The following LINGO2 variants were observed in gnomAD, a reference collection of about 807,000 sequenced individuals.
LINGO2 encodes the protein leucine-rich repeat and immunoglobulin-like domain-containing nogo receptor-interacting protein 2.
LINGO2 carries 14 observed loss-of-function variants against 30.6 expected under a neutral mutation model. The observed-to-expected ratio is 0.46, with a 90% CI of 0.30 to 0.72. The LOEUF (loss-of-function observed/expected upper bound fraction) is 0.72, where lower values mean the gene tolerates loss of function less well. Among genes scored for constraint, LINGO2 ranks in the 30% least tolerant of loss-of-function variants. The pLI is 0.07. For synonymous variants in LINGO2, 317 were observed against 288.5 expected (o/e 1.10, Z -1.00); for missense variants, 729 against 751.7 (o/e 0.97, Z 0.35).
chr9:28,766,151 C>G, the LINGO2 span, among the ~76,000 whole-genome samples: 2 of 151,986 alleles, frequency 1.3e-5, no homozygotes, highest in Non-Finnish European at 2.9e-5. Context: ...AAGAAAATCA[C>G]AAGGCTGCCT....
chr9:28,559,609 C>A (rs578112793), intron 1 of LINGO2, among the ~76,000 whole-genome samples: 2 of 152,136 alleles, frequency 1.3e-5, no homozygotes, highest in East Asian at 3.9e-4. Context: ...TGTGTAATAG[C>A]TTTTATTATT....
intron 4 of LINGO2, among the ~76,000 whole-genome samples, chr9:28,125,019 C>T (rs1167413329): frequency 6.6e-6 from 1 of 152,158 alleles, no homozygotes; most frequent in Non-Finnish European, 1.5e-5. Flanking sequence ...CCAGCAGTAT[C>T]CTAAATGCCA....
rs138287095 is a variant in LINGO2, at chr9:28,488,084, G to C, written c.-364-12059C>G. On this transcript the variant is annotated intron_variant, in intron 1 of 5. Transcript: ENST00000379992. ...TTCTTTCTTACCAAACCAAATGACAGTCATTTCTCTAGGATAAAAACATTT... is the reference window on the plus strand; with the variant it reads ...TTCTTTCTTACCAAACCAAATGACACTCATTTCTCTAGGATAAAAACATTT... Among the ~76,000 whole-genome samples the C allele has an allele frequency of 1.5e-3, 235 of 152,228 alleles. 1 individual carries two copies. Among genetic ancestry groups the C allele is most frequent in the African/African-American group, 5.4e-3 (223 of 41,566 alleles).
chr9:28,376,976 A>G (rs1030660350), intron 2 of LINGO2, among the ~76,000 whole-genome samples: 2 of 150,256 alleles, frequency 1.3e-5, no homozygotes, highest in Admixed American at 1.3e-4. Flanking sequence ...CACAATAGCT[A>G]CAATTATACT....
At chr9:28,516,179 A>G (rs1394903688) in intron 1 of LINGO2, among the ~76,000 whole-genome samples, 1 of 152,202 alleles carries the variant, frequency 6.6e-6, no homozygotes, top group Admixed American at 6.5e-5. Flanking sequence ...TGGGAAACCA[A>G]TAATTTCATG....
At chr9:28,876,485 G>T in the LINGO2 span, among the ~76,000 whole-genome samples, 1 of 151,490 alleles carries the variant, frequency 6.6e-6, no homozygotes, top group South Asian at 2.1e-4. Flanking sequence ...CCACCTATGA[G>T]TGAGAACACG....
At chr9:28,691,309 A>C in the LINGO2 span, among the ~76,000 whole-genome samples, 383 of 152,300 alleles carry the variant, frequency 2.5e-3, 3 homozygotes, top group African/African-American at 8.8e-3. Flanking sequence ...TACTGTACCA[A>C]TTTCACAAAC....
intron 4 of LINGO2, among the ~76,000 whole-genome samples, chr9:28,043,843 A>C (rs1358727018): frequency 6.6e-6 from 1 of 152,220 alleles, no homozygotes; most frequent in Non-Finnish European, 1.5e-5. Flanking sequence ...CTACAAAACA[A>C]ACAATAATTC....
intron 1 of LINGO2, among the ~76,000 whole-genome samples, chr9:28,663,263 T>G (rs1412518357): frequency 6.6e-6 from 1 of 152,024 alleles, no homozygotes; most frequent in Non-Finnish European, 1.5e-5. Context: ...CTCTGCTGCC[T>G]GGGTTCAAGC....
chr9:28,567,782 C>T (rs979309335), intron 1 of LINGO2, among the ~76,000 whole-genome samples: 1 of 147,570 alleles, frequency 6.8e-6, no homozygotes, highest in South Asian at 2.2e-4. Flanking sequence ...TGCACATGTA[C>T]TTCCTGAATC....
At chr9:27,985,229 G>T (rs190259982) in intron 5 of LINGO2, among the ~76,000 whole-genome samples, 116 of 151,920 alleles carry the variant, frequency 7.6e-4, no homozygotes, top group African/African-American at 2.5e-3. Context: ...TATACAACAT[G>T]TATTTTTCTT....
At chr9:28,310,570 G>GAC (rs1824573365) in intron 3 of LINGO2, among the ~76,000 whole-genome samples, 1 of 152,142 alleles carries the variant, frequency 6.6e-6, no homozygotes, top group Non-Finnish European at 1.5e-5. Flanking sequence ...TGAGGACGCA[G>GAC]AGAGGAAACA....
At chr9:29,011,986 T>C in the LINGO2 span, among the ~76,000 whole-genome samples, 3,457 of 152,274 alleles carry the variant, frequency 0.023, 124 homozygotes, top group African/African-American at 0.078. Flanking sequence ...ACAATATTAA[T>C]TCACATTTAT....
chr9:28,632,166 C>G (rs1382829491), intron 1 of LINGO2, among the ~76,000 whole-genome samples: 3 of 151,946 alleles, frequency 2.0e-5, no homozygotes, highest in African/African-American at 7.3e-5. Context: ...CAAACACGTT[C>G]AATGCATAGT....
the LINGO2 span, among the ~76,000 whole-genome samples, chr9:28,989,803 A>T: frequency 1.3e-5 from 2 of 152,202 alleles, no homozygotes; most frequent in Non-Finnish European, 2.9e-5. Context: ...AGAAAGTGGA[A>T]CATAAACATA....
the LINGO2 span, among the ~76,000 whole-genome samples, chr9:29,089,298 T>C: frequency 6.6e-6 from 1 of 151,748 alleles, no homozygotes; most frequent in Non-Finnish European, 1.5e-5. Context: ...CAGAGCACAG[T>C]AGTTTTGGTT....
At chr9:28,752,264 C>A in the LINGO2 span, among the ~76,000 whole-genome samples, 1,367 of 151,978 alleles carry the variant, frequency 9.0e-3, 36 homozygotes, top group African/African-American at 0.031. Flanking sequence ...CTATGAATGA[C>A]CTTTCTTGGT....
the LINGO2 span, among the ~76,000 whole-genome samples, chr9:29,109,010 T>C: frequency 1.3e-5 from 2 of 152,226 alleles, no homozygotes; most frequent in Non-Finnish European, 2.9e-5. Context: ...TGCTAAAATA[T>C]ATAGCAATTT....
chr9:29,189,881 G>A, the LINGO2 span, among the ~76,000 whole-genome samples: 2 of 151,412 alleles, frequency 1.3e-5, no homozygotes, highest in Admixed American at 6.6e-5. Context: ...GCGTGGCAGC[G>A]CGCGCCTGCA....
Sources: allele counts gnomAD v4.1 joint callset (sites outside exome capture counted in the v4.1 genomes callset), GRCh38; gene constraint gnomAD v4.1.1; transcripts MANE v1.5; gene names NCBI Gene and HGNC (gene_info 2026-07-23, HGNC 2026-07-21).